Variants in ELMOD1 observed in about 807,000 individuals in gnomAD.
ELMOD1 encodes the protein ELMO domain containing 1, also known as ELMO domain-containing protein 1.
In ELMOD1, 21 loss-of-function variants were observed where a neutral mutation model predicts 46.7. The ratio of observed to expected loss-of-function variants is 0.45; its 90% CI spans 0.32 to 0.65. ELMOD1 has a LOEUF of 0.65. Among genes scored for constraint, ELMOD1 ranks in the 30% least tolerant of loss-of-function variants. ELMOD1 has a pLI of 0.04. For synonymous variants in ELMOD1, 122 were observed against 138.2 expected, an observed-to-expected ratio of 0.88 and a Z score of 0.82; for missense variants, 348 against 407.8, an observed-to-expected ratio of 0.85 and a Z score of 1.26.
Position 107,666,321 on chromosome 11 carries a change from G to A in ELMOD1, c.*1124G>A, listed in dbSNP as rs1451547562. The A allele has an allele frequency of 6.6e-6, 1 of 152,174 alleles. No homozygotes were observed. The highest frequency in any genetic ancestry group is 2.4e-5 in the African/African-American group (1 of 41,438). 9.4% of individuals were successfully genotyped at this position (152,174 alleles called of 1,614,324 possible). ...CACTGCCTGCCTCTTGCGGAACTGG[G>A]TTACACCCTGGCACTGTTCTGATCC... On this transcript the variant is annotated 3_prime_UTR_variant, in exon 12 of 12. Coordinates refer to ENST00000265840, the MANE Select transcript of ELMOD1 (RefSeq NM_018712.4).
At chr11:107,662,247 G>A (rs1866752188) in intron 11 of ELMOD1, among the ~76,000 whole-genome samples, 1 of 152,176 alleles carries the variant, frequency 6.6e-6, no homozygotes, top group African/African-American at 2.4e-5. Flanking sequence ...GGGCTCAAGT[G>A]ATCCTCCTGC....
chr11:107,637,065 A>G (rs1321256726), intron 6 of ELMOD1, among the ~76,000 whole-genome samples: 1 of 152,254 alleles, frequency 6.6e-6, no homozygotes, highest in Non-Finnish European at 1.5e-5. Flanking sequence ...GCTGGCACAT[A>G]ATGGGTTTTC....
intron 11 of ELMOD1, among the ~76,000 whole-genome samples, chr11:107,656,526 C>T (rs1242617159): frequency 6.6e-6 from 1 of 150,868 alleles, no homozygotes; most frequent in Non-Finnish European, 1.5e-5. Flanking sequence ...TTCTGTAGAA[C>T]ACTCCAGACA....
intron 1 of ELMOD1, chr11:107,592,328 C>T (rs748002851): frequency 5.1e-5 from 27 of 532,876 alleles, no homozygotes; most frequent in Non-Finnish European, 8.5e-5. Flanking sequence ...TAGGAAAATA[C>T]GCTGCTAACC....
intron 9 of ELMOD1, 197 bp from the exon 10 acceptor site, chr11:107,653,975 A>G (rs1446317268): frequency 1.7e-6 from 1 of 575,156 alleles, no homozygotes; most frequent in East Asian, 2.8e-5. Flanking sequence ...TAAAGTGGAT[A>G]GGAGGTAAAT....
intron 10 of ELMOD1, among the ~76,000 whole-genome samples, chr11:107,655,624 A>C (rs142023111): frequency 1.4e-5 from 2 of 145,614 alleles, no homozygotes; most frequent in Non-Finnish European, 3.0e-5. Context: ...AAAGCAAAAG[A>C]ATAAAACAAA....
In ELMOD1 at chr11:107,656,025, C is replaced by T. The variant is rs1295942170; in HGVS notation, c.791C>T (p.Ala264Val). 1 of 1,562,060 alleles carries T rather than the reference C, an allele frequency of 6.4e-7. No individual in the cohort carries two copies. Among genetic ancestry groups the T allele is most frequent in the Non-Finnish European group, 8.7e-7 (1 of 1,151,376 alleles). Reference protein sequence around the residue: ...GALKTHFYNIAPEAPTLSHFQ... With the variant: ...GALKTHFYNIVPEAPTLSHFQ... ...CTAAAAACCCATTTCTACAATATCG[C>T]CCCAGAAGCTCCAACATTGTCTCAC... Residue 264 changes from alanine (A) to valine (V), a missense_variant, in exon 11 of 12, where the codon GCC becomes GTC. Ala to Val is a moderately conservative substitution (Grantham distance 64). Transcript: ENST00000265840.
At chr11:107,612,966 G>A (rs1372644136) in intron 1 of ELMOD1, among the ~76,000 whole-genome samples, 1 of 152,006 alleles carries the variant, frequency 6.6e-6, no homozygotes, top group African/African-American at 2.4e-5. Flanking sequence ...TCCTGTTTGG[G>A]GGACAGACAA....
At chr11:107,656,485 TAGAGAG>T (rs1267432195) in intron 11 of ELMOD1, among the ~76,000 whole-genome samples, 2 of 148,794 alleles carry the variant, frequency 1.3e-5, no homozygotes, top group Non-Finnish European at 1.5e-5. Flanking sequence ...ATATATAATA[TAGAGAG>T]AGAGAGAAAG....
At chr11:107,643,703 C>A (rs1866366525) in intron 6 of ELMOD1, 2 of 508,076 alleles carry the variant, frequency 3.9e-6, no homozygotes, top group Admixed American at 4.2e-5. Context: ...TGCATCTTGG[C>A]CTTCAGGTGG....
chr11:107,663,032 A>G (rs1866770956), intron 11 of ELMOD1, among the ~76,000 whole-genome samples: 1 of 152,042 alleles, frequency 6.6e-6, no homozygotes, highest in Non-Finnish European at 1.5e-5. Flanking sequence ...CCTGGCAAGA[A>G]ACAAGCTTTT....
intron 1 of ELMOD1, among the ~76,000 whole-genome samples, chr11:107,610,199 G>A (rs565690): frequency 3.9e-4 from 60 of 152,168 alleles, no homozygotes; most frequent in African/African-American, 1.3e-3. Context: ...CTAATGTCTC[G>A]CTTGAAAAAC....
intron 7 of ELMOD1, among the ~76,000 whole-genome samples, chr11:107,649,908 A>G (rs796899287): frequency 6.6e-6 from 1 of 152,182 alleles, no homozygotes; most frequent in African/African-American, 2.4e-5. Context: ...TCAAATTCCC[A>G]ATGAATATTT....
intron 5 of ELMOD1, among the ~76,000 whole-genome samples, chr11:107,633,721 G>T (rs564026819): frequency 6.6e-6 from 1 of 152,092 alleles, no homozygotes; most frequent in Non-Finnish European, 1.5e-5. Context: ...GTAAGACACC[G>T]CACCCGGCCA....
chr11:107,625,673 G>T, intron 2 of ELMOD1: 1 of 538,244 alleles, frequency 1.9e-6, no homozygotes, highest in Non-Finnish European at 2.4e-6. Flanking sequence ...TGGTAGCAGA[G>T]ATATGATCCA....
chr11:107,632,924 T>C (rs1377983484), intron 5 of ELMOD1, among the ~76,000 whole-genome samples: 1 of 152,190 alleles, frequency 6.6e-6, no homozygotes, highest in Non-Finnish European at 1.5e-5. Flanking sequence ...AATCTGAAAA[T>C]CCAAAATCTG....
intron 6 of ELMOD1, among the ~76,000 whole-genome samples, chr11:107,637,781 C>G (rs1025305359): frequency 6.6e-6 from 1 of 152,104 alleles, no homozygotes; most frequent in African/African-American, 2.4e-5. Flanking sequence ...ATGCCCAATG[C>G]CTTATTCTAG....
At chr11:107,599,579 T>C (rs1331757512) in intron 1 of ELMOD1, among the ~76,000 whole-genome samples, 1 of 151,570 alleles carries the variant, frequency 6.6e-6, no homozygotes, top group South Asian at 2.1e-4. Flanking sequence ...TGATCTCTAC[T>C]ACAAATACAA....
chr11:107,620,839 G>A (rs1167265711), intron 2 of ELMOD1, among the ~76,000 whole-genome samples: 1 of 152,104 alleles, frequency 6.6e-6, no homozygotes, highest in African/African-American at 2.4e-5. Context: ...ATTCCAGCCT[G>A]GCAAAAGAGC....
Sources: allele counts gnomAD v4.1 joint callset (sites outside exome capture counted in the v4.1 genomes callset), GRCh38; gene constraint gnomAD v4.1.1; transcripts MANE v1.5; gene names NCBI Gene and HGNC (gene_info 2026-07-23, HGNC 2026-07-21).